The following SCAPER variants were observed in gnomAD, a reference collection of about 807,000 sequenced individuals.
SCAPER encodes the protein S-phase cyclin A associated protein in the ER, also known as S phase cyclin A-associated protein in the endoplasmic reticulum.
A neutral mutation model predicts 182.2 loss-of-function variants in SCAPER; 98 were observed. The ratio of observed to expected loss-of-function variants is 0.54; its 90% CI spans 0.46 to 0.64. The LOEUF (loss-of-function observed/expected upper bound fraction) is 0.64. SCAPER is among the 30% of genes least tolerant of loss of function. The pLI, the probability that SCAPER is intolerant of heterozygous loss-of-function variation, is 0.00. For missense variants in SCAPER, 1,432 were observed against 1,690.0 expected, an observed-to-expected ratio of 0.85 and a Z score of 2.68; for synonymous variants, 605 against 564.6, an observed-to-expected ratio of 1.07 and a Z score of -1.01.
intron 23 of SCAPER, among the ~76,000 whole-genome samples, chr15:76,531,881 TG>T (rs1279240916): frequency 3.3e-5 from 5 of 152,162 alleles, no homozygotes; most frequent in Non-Finnish European, 7.4e-5. Context: ...CAGATTCCTT[TG>T]GCACCAGGGA....
chr15:76,805,017 T>C (rs1222502505), intron 5 of SCAPER, among the ~76,000 whole-genome samples: 8 of 152,158 alleles, frequency 5.3e-5, no homozygotes, highest in Admixed American at 3.9e-4. Flanking sequence ...AAGACCAACC[T>C]GGGCAAGATA....
chr15:76,392,502 G>C (rs554092137), intron 27 of SCAPER, among the ~76,000 whole-genome samples: 1 of 152,288 alleles, frequency 6.6e-6, no homozygotes, highest in East Asian at 1.9e-4. Context: ...CTGGGAGGCT[G>C]ATGCAGGAAG....
chr15:76,679,560 T>A (rs889738692), intron 20 of SCAPER, among the ~76,000 whole-genome samples: 1 of 152,242 alleles, frequency 6.6e-6, no homozygotes, highest in African/African-American at 2.4e-5. Context: ...TTTCCACAGA[T>A]GTAGGATATA....
Position 76,765,501 on chromosome 15 carries a change from A to G in SCAPER, c.1496-47T>C, listed in dbSNP as rs753488323. 5 of 1,609,790 alleles carry G rather than the reference A, an allele frequency of 3.1e-6. No homozygotes were observed. The African/African-American group carries it at 4.0e-5, about 13-fold the overall frequency. On this transcript the variant is annotated intron_variant, in intron 12 of 31. Coordinates refer to ENST00000563290, the MANE Select transcript of SCAPER (RefSeq NM_020843.4). ...TATTGTTTAGCCACATAGGTCTATA[A>G]AACATTTGAGAACAAACTTTTGAAC... is the stretch of plus-strand genomic sequence containing the variant.
intron 23 of SCAPER, among the ~76,000 whole-genome samples, chr15:76,513,712 T>C (rs550174165): frequency 6.6e-6 from 1 of 152,272 alleles, no homozygotes; most frequent in Non-Finnish European, 1.5e-5. Context: ...TGGATGCTCT[T>C]CAGATACACC....
rs560902351 is a variant in SCAPER at position 76,766,959 on chromosome 15, T to C, written c.1378A>G (p.Asn460Asp). The C allele has an allele frequency of 8.7e-6, 14 of 1,608,992 alleles. 1 individual carries two copies. In the Admixed American group the frequency reaches 1.5e-4, roughly 17 times the overall value. The change falls in exon 11 of 32, where the codon AAT becomes GAT. Residue 460 changes from asparagine to aspartate, a missense_variant. Physicochemically the swap from Asn to Asp is conservative, Grantham distance 23. Around this residue, in one of 5 missense-constraint regions of SCAPER, gnomAD observed 128 missense variants for 149.9 expected, o/e 0.85. Coordinates refer to ENST00000563290, the MANE Select transcript of SCAPER (RefSeq NM_020843.4). ...TTGTCAGTTTCAATGTTAATATCAT[T>C]GTTTTCTTCAGCTTCAATTTCTCTA... ...LTREIEAEENNDINIETDNDS... is the reference protein window; with the variant it reads ...LTREIEAEENDDINIETDNDS...
intron 1 of SCAPER, among the ~76,000 whole-genome samples, chr15:76,903,256 C>A (rs577788540): frequency 6.6e-6 from 1 of 152,056 alleles, no homozygotes; most frequent in Non-Finnish European, 1.5e-5. Flanking sequence ...TCCTTTGGAC[C>A]AGTCACCAAA....
At chr15:76,730,028 A>C (rs1461403361) in intron 16 of SCAPER, among the ~76,000 whole-genome samples, 1 of 152,160 alleles carries the variant, frequency 6.6e-6, no homozygotes, top group African/African-American at 2.4e-5. Flanking sequence ...CACCTTAAAG[A>C]GCCTCAGTTG....
At chr15:76,417,138 A>G (rs931517453) in intron 26 of SCAPER, among the ~76,000 whole-genome samples, 9 of 152,122 alleles carry the variant, frequency 5.9e-5, no homozygotes, top group Non-Finnish European at 1.2e-4. Flanking sequence ...TTTAAATAAA[A>G]TAACTACATA....
chr15:76,409,646 T>C (rs2045136256), intron 26 of SCAPER, among the ~76,000 whole-genome samples: 1 of 152,204 alleles, frequency 6.6e-6, no homozygotes, highest in African/African-American at 2.4e-5. Context: ...ATTGTTTCTT[T>C]GTCCATCCTT....
At chr15:76,763,625 T>C (rs1398548045) in intron 14 of SCAPER, among the ~76,000 whole-genome samples, 1 of 152,176 alleles carries the variant, frequency 6.6e-6, no homozygotes, top group Non-Finnish European at 1.5e-5. Flanking sequence ...CAGTGTCCCA[T>C]AAATCCCAGA....
chr15:76,375,934 G>A (rs1011169764), intron 29 of SCAPER, among the ~76,000 whole-genome samples: 3 of 152,172 alleles, frequency 2.0e-5, no homozygotes, highest in Admixed American at 2.0e-4. Context: ...GCAGTGAGCC[G>A]AGATTGCACC....
At chr15:76,653,221 CA>C (rs1225354860) in intron 21 of SCAPER, among the ~76,000 whole-genome samples, 2 of 152,016 alleles carry the variant, frequency 1.3e-5, no homozygotes, top group African/African-American at 4.8e-5. Flanking sequence ...ACAGATTACA[CA>C]AACAAATGGA....
intron 14 of SCAPER, among the ~76,000 whole-genome samples, chr15:76,755,607 A>G (rs2062373992): frequency 2.6e-5 from 4 of 152,188 alleles, no homozygotes; most frequent in African/African-American, 9.6e-5. Context: ...GGTGCCCACT[A>G]ATCTAAGCCA....
chr15:76,784,251 A>G (rs901563805), intron 8 of SCAPER, among the ~76,000 whole-genome samples: 5 of 152,212 alleles, frequency 3.3e-5, no homozygotes, highest in African/African-American at 1.2e-4. Flanking sequence ...ACAGACAAAC[A>G]GAGAGCCAAA....
intron 14 of SCAPER, among the ~76,000 whole-genome samples, chr15:76,762,450 CTGTCTACTTTAATTTGA>C (rs2062851476): frequency 6.7e-6 from 1 of 149,514 alleles, no homozygotes; most frequent in Non-Finnish European, 1.5e-5. Flanking sequence ...GTGGTTACAA[CTGTCTACTTTAATTTGA>C]TGTCTACTTT....
intron 22 of SCAPER, among the ~76,000 whole-genome samples, chr15:76,577,568 C>A (rs2047936016): frequency 1.3e-5 from 2 of 152,154 alleles, no homozygotes; most frequent in South Asian, 4.1e-4. Context: ...GGCCCTAGCT[C>A]CTGGATGGTA....
At chr15:76,757,993 T>C (rs1378230027) in intron 14 of SCAPER, among the ~76,000 whole-genome samples, 1 of 152,206 alleles carries the variant, frequency 6.6e-6, no homozygotes, top group Non-Finnish European at 1.5e-5. Flanking sequence ...TCAAATATTT[T>C]AGATATTAAT....
At chr15:76,350,153 C>G (rs1227195024) in intron 31 of SCAPER, 2 of 152,140 alleles carry the variant, frequency 1.3e-5, no homozygotes, top group African/African-American at 4.8e-5. Flanking sequence ...TGGGTCAGGG[C>G]AGAACTGAAC....
Sources: gnomAD v4.1 joint callset for allele counts (sites outside exome capture counted in the v4.1 genomes callset) on GRCh38, gnomAD v4.1.1 for gene constraint, gnomAD v4.1.1 regional missense constraint, MANE v1.5 for transcripts, NCBI Gene and HGNC (gene_info 2026-07-23, HGNC 2026-07-21) for gene names.